The following RBPMS variants were observed in gnomAD, a reference collection of about 807,000 sequenced individuals.
RBPMS encodes RNA binding protein, mRNA processing factor.
RBPMS carries 7 observed loss-of-function variants against 26.8 expected under a neutral mutation model. The ratio of observed to expected loss-of-function variants is 0.26; its 90% CI spans 0.15 to 0.49. RBPMS has a LOEUF of 0.49. Among genes scored for constraint, RBPMS ranks in the 20% least tolerant of loss-of-function variants. The pLI, the probability that RBPMS is intolerant of heterozygous loss-of-function variation, is 0.98. For synonymous variants in RBPMS, 96 were observed against 93.3 expected (o/e 1.03, Z -0.17); for missense variants, 186 against 250.0 (o/e 0.74, Z 1.73).
chr8:30,465,927 A>G (rs1054176018), intron 1 of RBPMS, among the ~76,000 whole-genome samples: 1 of 152,202 alleles, frequency 6.6e-6, no homozygotes, highest in Non-Finnish European at 1.5e-5. Flanking sequence ...TGCTGTCCGT[A>G]TTCTCTGAAC....
chr8:30,462,680 G>A (rs1394099255), intron 1 of RBPMS, among the ~76,000 whole-genome samples: 2 of 152,092 alleles, frequency 1.3e-5, no homozygotes, highest in African/African-American at 4.8e-5. Flanking sequence ...GGCCATCCCA[G>A]CCTCCCAAAG....
chr8:30,476,404 C>T (rs1004732379), intron 2 of RBPMS, among the ~76,000 whole-genome samples: 3 of 152,210 alleles, frequency 2.0e-5, no homozygotes, highest in Admixed American at 2.0e-4. Context: ...CCTTTGCCTT[C>T]AAGACCTTCA....
intron 4 of RBPMS, among the ~76,000 whole-genome samples, chr8:30,493,903 A>C (rs957428130): frequency 6.6e-6 from 1 of 152,150 alleles, no homozygotes; most frequent in African/African-American, 2.4e-5. Flanking sequence ...ATCCTATACA[A>C]AGCAGATTCT....
rs764240588 is a variant in RBPMS, at chr8:30,385,168, G to T, written c.66+10G>T. 6.7e-7 allele frequency: 1 copy of T among 1,481,946 alleles called. No individual in the cohort carries two copies. 91.8% of individuals were successfully genotyped at this position (1,481,946 alleles called of 1,614,324 possible). ...CCTTCAGGAGGAGGAGGTACTGGGC[G>T]GCTCGGTGTGGTGGCGGGGGCGACG... is the stretch of plus-strand genomic sequence containing the variant. On this transcript the variant is annotated intron_variant, in intron 1 of 8. Coordinates refer to ENST00000397323, the MANE Select transcript of RBPMS (RefSeq NM_001008710.3).
rs1806849038 is a variant in RBPMS, at chr8:30,385,079, G to A, written c.-14G>A. On this transcript the variant is annotated 5_prime_UTR_variant, in exon 1 of 9. Coordinates refer to ENST00000397323, the MANE Select transcript of RBPMS (RefSeq NM_001008710.3). ...CCCCAGCCCTGCCCGGCCCGGCGAGGAAGGACCGGGAAGATGAACAACGGC... is the reference window on the plus strand; with the variant it reads ...CCCCAGCCCTGCCCGGCCCGGCGAGAAAGGACCGGGAAGATGAACAACGGC... The A allele has an allele frequency of 2.0e-6, 3 of 1,509,596 alleles. No individual in the cohort carries two copies. Among genetic ancestry groups the A allele is most frequent in the Non-Finnish European group, 1.8e-6 (2 of 1,129,054 alleles). The allele number at this position is 1,509,596 out of a possible 1,614,324, so 93.5% of individuals were successfully genotyped here. A position where few individuals can be genotyped will look rare whatever the true frequency, so the allele number is the denominator to read the frequency against.
At chr8:30,508,338 C>T (rs1224632973) in intron 5 of RBPMS, among the ~76,000 whole-genome samples, 1 of 152,080 alleles carries the variant, frequency 6.6e-6, no homozygotes, top group Admixed American at 6.6e-5. Context: ...TATGGCAGCC[C>T]TAGAAATACA....
rs973163462 is a variant in RBPMS, at chr8:30,486,385, G to A, written c.246+7008G>A. Among the ~76,000 whole-genome samples the A allele has an allele frequency of 8.1e-4, 122 of 151,090 alleles. 1 individual carries two copies. The Middle Eastern group carries it at 0.014, about 17-fold the overall frequency. ...AACATAAAAAAAAAACAAAAAACAG[G>A]GTTCAGCCCAGGTCTGTATCCAGTG... On this transcript the variant is annotated intron_variant, in intron 4 of 8. Coordinates refer to ENST00000397323, the MANE Select transcript of RBPMS (RefSeq NM_001008710.3).
chr8:30,569,220 T>A (rs1244582335), intron 8 of RBPMS, among the ~76,000 whole-genome samples: 2 of 152,232 alleles, frequency 1.3e-5, no homozygotes, highest in African/African-American at 2.4e-5. Context: ...CCACATGCCA[T>A]AAATGACCCA....
intron 5 of RBPMS, among the ~76,000 whole-genome samples, chr8:30,528,690 T>C (rs1243770308): frequency 6.6e-6 from 1 of 152,204 alleles, no homozygotes; most frequent in Non-Finnish European, 1.5e-5. Flanking sequence ...ATTATCCTCA[T>C]TTTACAAAGA....
At chr8:30,459,755 T>TA (rs1815674911) in intron 1 of RBPMS, among the ~76,000 whole-genome samples, 1 of 152,248 alleles carries the variant, frequency 6.6e-6, no homozygotes, top group African/African-American at 2.4e-5. Context: ...TTCCTCCCAT[T>TA]ATAGTCATTA....
chr8:30,565,001 GC>G (rs1253461195), intron 7 of RBPMS: 10 of 152,184 alleles, frequency 6.6e-5, no homozygotes, highest in African/African-American at 2.4e-4. Flanking sequence ...TAGAAATACA[GC>G]CTCCCGGGAA....
chr8:30,429,999 C>T (rs867419519), intron 1 of RBPMS, among the ~76,000 whole-genome samples: 22 of 152,258 alleles, frequency 1.4e-4, no homozygotes, highest in Middle Eastern at 3.4e-3. Flanking sequence ...AAATCTGGCC[C>T]GGCGCAGGGG....
At chr8:30,449,990 G>C (rs983043961) in intron 1 of RBPMS, among the ~76,000 whole-genome samples, 1 of 152,176 alleles carries the variant, frequency 6.6e-6, no homozygotes, top group African/African-American at 2.4e-5. Flanking sequence ...TTAGAAGCAG[G>C]GCTCCAAGCC....
At chr8:30,512,400 A>T (rs967107166) in intron 5 of RBPMS, among the ~76,000 whole-genome samples, 37 of 152,122 alleles carry the variant, frequency 2.4e-4, no homozygotes. Context: ...TCTTAACATG[A>T]GTTCTCACCT....
At chr8:30,528,131 C>T (rs1226772082) in intron 5 of RBPMS, among the ~76,000 whole-genome samples, 3 of 151,290 alleles carry the variant, frequency 2.0e-5, no homozygotes, top group African/African-American at 4.9e-5. Context: ...GCCGAGATCG[C>T]GCCATTGCGC....
intron 8 of RBPMS, among the ~76,000 whole-genome samples, chr8:30,566,691 C>T (rs983492496): frequency 8.5e-5 from 13 of 152,178 alleles, no homozygotes; most frequent in Non-Finnish European, 1.9e-4. Flanking sequence ...TGAAACGAAG[C>T]TTTTCCCTTT....
At chr8:30,559,866 C>T (rs1312089882) in intron 7 of RBPMS, among the ~76,000 whole-genome samples, 3 of 152,160 alleles carry the variant, frequency 2.0e-5, no homozygotes, top group Non-Finnish European at 4.4e-5. Flanking sequence ...TCCTTGGAGA[C>T]TTCTATTGTA....
chr8:30,565,877 G>A (rs1042298549), intron 7 of RBPMS: 1 of 152,288 alleles, frequency 6.6e-6, no homozygotes, highest in Non-Finnish European at 1.5e-5. Flanking sequence ...TCCGGGTCTA[G>A]GCCACAGCCC....
chr8:30,496,375 A>C (rs1819956376), intron 4 of RBPMS, among the ~76,000 whole-genome samples: 1 of 152,134 alleles, frequency 6.6e-6, no homozygotes, highest in East Asian at 1.9e-4. Context: ...TCACCGTGTT[A>C]GCCAGGGTGG....
Sources: allele counts gnomAD v4.1 joint callset (sites outside exome capture counted in the v4.1 genomes callset), GRCh38; gene constraint gnomAD v4.1.1; transcripts MANE v1.5; gene names NCBI Gene and HGNC (gene_info 2026-07-23, HGNC 2026-07-21).